The following ZNF804B variants were observed in gnomAD, a reference collection of about 807,000 sequenced individuals.
ZNF804B encodes zinc finger 804B.
In ZNF804B, 80 loss-of-function variants were observed where a neutral mutation model predicts 101.4. The observed-to-expected ratio is 0.79, with a 90% CI of 0.66 to 0.95. The LOEUF (loss-of-function observed/expected upper bound fraction) is 0.95. Ranked by LOEUF, ZNF804B falls within the 40% of genes least tolerant of loss-of-function variation. ZNF804B has a pLI of 0.00. For synonymous variants in ZNF804B, 622 were observed against 558.8 expected, an observed-to-expected ratio of 1.11 and a Z score of -1.59; for missense variants, 1,673 against 1,561.9, an observed-to-expected ratio of 1.07 and a Z score of -1.20.
At chr7:89,225,844 A>G (rs972453831) in intron 2 of ZNF804B, among the ~76,000 whole-genome samples, 3 of 152,138 alleles carry the variant, frequency 2.0e-5, no homozygotes, top group African/African-American at 4.8e-5. Context: ...CAAGCAAATG[A>G]TATGACTAGA....
At chr7:88,874,013 T>A (rs534744183) in intron 1 of ZNF804B, among the ~76,000 whole-genome samples, 2 of 152,174 alleles carry the variant, frequency 1.3e-5, no homozygotes, top group Non-Finnish European at 2.9e-5. Flanking sequence ...GAAGAAAGTC[T>A]TTGGTAGTTT....
chr7:88,778,168 T>G (rs891197423), intron 1 of ZNF804B, among the ~76,000 whole-genome samples: 1 of 152,000 alleles, frequency 6.6e-6, no homozygotes, highest in African/African-American at 2.4e-5. Flanking sequence ...CATTTTAATG[T>G]TTTTTTTCCA....
At chr7:89,115,904 G>GTTTTTTTTTTTT (rs112266242) in intron 1 of ZNF804B, among the ~76,000 whole-genome samples, 1 of 146,056 alleles carries the variant, frequency 6.8e-6, no homozygotes. Flanking sequence ...AGGTTTTTTT[G>GTTTTTTTTTTTT]TTTTTTTTTT....
At chr7:88,833,264 C>G (rs1266284655) in intron 1 of ZNF804B, among the ~76,000 whole-genome samples, 1 of 151,552 alleles carries the variant, frequency 6.6e-6, no homozygotes, top group Non-Finnish European at 1.5e-5. Flanking sequence ...TCTCCCCTTT[C>G]TAACTTCAGA....
intron 1 of ZNF804B, among the ~76,000 whole-genome samples, chr7:88,768,859 G>C (rs1356016186): frequency 6.6e-6 from 1 of 152,244 alleles, no homozygotes; most frequent in Non-Finnish European, 1.5e-5. Flanking sequence ...GATCAAAAAT[G>C]AAGGCCCTGG....
chr7:88,939,876 TATA>T (rs1377288544), intron 1 of ZNF804B, among the ~76,000 whole-genome samples: 1 of 151,966 alleles, frequency 6.6e-6, no homozygotes. Flanking sequence ...TATTTTGCAT[TATA>T]ATCCCAAAAT....
intron 1 of ZNF804B, among the ~76,000 whole-genome samples, chr7:88,878,415 C>A (rs953629799): frequency 6.6e-6 from 1 of 152,058 alleles, no homozygotes; most frequent in Non-Finnish European, 1.5e-5. Flanking sequence ...TATGTCTTAA[C>A]AACTCAATTT....
intron 1 of ZNF804B, among the ~76,000 whole-genome samples, chr7:89,217,172 G>A (rs1170408205): frequency 1.3e-5 from 2 of 152,158 alleles, no homozygotes; most frequent in Non-Finnish European, 2.9e-5. Flanking sequence ...GACATATCTG[G>A]TAATAGAATT....
intron 1 of ZNF804B, among the ~76,000 whole-genome samples, chr7:89,016,473 C>T (rs1015358278): frequency 4.0e-5 from 6 of 151,618 alleles, no homozygotes; most frequent in Admixed American, 1.3e-4. Context: ...GGTTTTAGGT[C>T]TAACGTTTAA....
At chr7:89,180,109 C>G (rs577384172) in intron 1 of ZNF804B, among the ~76,000 whole-genome samples, 2 of 152,240 alleles carry the variant, frequency 1.3e-5, no homozygotes, top group South Asian at 4.1e-4. Context: ...TTGACGTCAG[C>G]ACAGTACTGA....
In ZNF804B at chr7:89,250,928, A is replaced by C. The variant is rs180807621; in HGVS notation, c.249+32633A>C. Among the ~76,000 whole-genome samples, 53 of 152,322 alleles carry C rather than the reference A, an allele frequency of 3.5e-4. 1 individual carries two copies. In the East Asian group the frequency reaches 8.5e-3, roughly 24 times the overall value. On this transcript the variant is annotated intron_variant, in intron 2 of 3. Coordinates refer to ENST00000333190, the MANE Select transcript of ZNF804B (RefSeq NM_181646.5). ...AAAACATTCAAGGAACTAGGCATCAAAAGATTGTACCTCAAAATAATAAGA... is the reference window on the plus strand; with the variant it reads ...AAAACATTCAAGGAACTAGGCATCACAAGATTGTACCTCAAAATAATAAGA...
At chr7:89,073,665 A>G (rs1789575426) in intron 1 of ZNF804B, among the ~76,000 whole-genome samples, 1 of 152,110 alleles carries the variant, frequency 6.6e-6, no homozygotes. Flanking sequence ...TGGTGTCACT[A>G]GATTCGTAAT....
intron 1 of ZNF804B, among the ~76,000 whole-genome samples, chr7:89,031,382 AT>A (rs1788831657): frequency 6.6e-6 from 1 of 151,792 alleles, no homozygotes; most frequent in Non-Finnish European, 1.5e-5. Context: ...TCTTATAATC[AT>A]TTCTTTGTAC....
intron 1 of ZNF804B, among the ~76,000 whole-genome samples, chr7:88,770,853 G>A (rs1790050812): frequency 6.6e-6 from 1 of 152,096 alleles, no homozygotes; most frequent in African/African-American, 2.4e-5. Context: ...ACATAAAAGG[G>A]ACTGAAACAT....
intron 1 of ZNF804B, among the ~76,000 whole-genome samples, chr7:88,944,400 A>C (rs1360436629): frequency 6.6e-6 from 1 of 151,736 alleles, no homozygotes; most frequent in Non-Finnish European, 1.5e-5. Context: ...TTTGTTTATA[A>C]AGTGTTCAAA....
chr7:89,104,871 A>G (rs986622173), intron 1 of ZNF804B, among the ~76,000 whole-genome samples: 1 of 152,052 alleles, frequency 6.6e-6, no homozygotes, highest in Non-Finnish European at 1.5e-5. Context: ...GGAATCAAAT[A>G]CTTATCTGTG....
chr7:88,827,966 A>G (rs1040796611), intron 1 of ZNF804B, among the ~76,000 whole-genome samples: 1 of 152,054 alleles, frequency 6.6e-6, no homozygotes, highest in African/African-American at 2.4e-5. Context: ...ATTGCCTCCT[A>G]ATTATTCATC....
At chr7:88,961,969 A>G (rs1054075156) in intron 1 of ZNF804B, among the ~76,000 whole-genome samples, 8 of 151,308 alleles carry the variant, frequency 5.3e-5, no homozygotes, top group African/African-American at 1.9e-4. Flanking sequence ...TACATTTTAC[A>G]TTAGAATTTT....
intron 1 of ZNF804B, among the ~76,000 whole-genome samples, chr7:89,192,295 C>T (rs2708618): frequency 0.38 from 58,206 of 151,634 alleles, 11,616 homozygotes; most frequent in East Asian, 0.67. Context: ...ACCCCTGTAC[C>T]GCTTCTTTCC....
Sources: gnomAD v4.1 joint callset for allele counts (sites outside exome capture counted in the v4.1 genomes callset) on GRCh38, gnomAD v4.1.1 for gene constraint, MANE v1.5 for transcripts, NCBI Gene and HGNC (gene_info 2026-07-23, HGNC 2026-07-21) for gene names.